CARNMT1: variants seen among roughly 807,000 people sequenced by gnomAD.
The protein encoded by CARNMT1 is carnosine N-methyltransferase 1.
CARNMT1 carries 28 observed loss-of-function variants against 49.6 expected under a neutral mutation model. That is an observed-to-expected ratio of 0.56 (90% confidence interval 0.42 to 0.77). The LOEUF is 0.77. Ranked by LOEUF, CARNMT1 falls within the 30% of genes least tolerant of loss-of-function variation. The probability of loss-of-function intolerance (pLI) is 0.00; values close to 1 mark genes in which losing one functional copy is unlikely to be tolerated. For missense variants in CARNMT1, 421 were observed against 512.6 expected (o/e 0.82, Z 1.73); for synonymous variants, 178 against 175.0 (o/e 1.02, Z -0.13).
chr9:74,996,978 A>G (rs542819784), intron 5 of CARNMT1, among the ~76,000 whole-genome samples: 1 of 152,344 alleles, frequency 6.6e-6, no homozygotes, highest in East Asian at 1.9e-4. Flanking sequence ...ACCAGTTGCC[A>G]ACTGAGAAAT....
intron 6 of CARNMT1, among the ~76,000 whole-genome samples, chr9:74,988,329 A>T (rs1174041810): frequency 6.6e-6 from 1 of 152,236 alleles, no homozygotes; most frequent in Non-Finnish European, 1.5e-5. Context: ...TTAAAAAATT[A>T]AAAAATCACC....
chr9:75,021,973 T>A (rs1822377224), intron 1 of CARNMT1, among the ~76,000 whole-genome samples: 1 of 151,872 alleles, frequency 6.6e-6, no homozygotes, highest in African/African-American at 2.4e-5. Flanking sequence ...TCATCTAGCA[T>A]CTTACTTTTT....
intron 3 of CARNMT1, 35 bp from the exon 4 acceptor site, chr9:74,999,905 C>CAAAAA: frequency 6.5e-7 from 1 of 1,550,122 alleles, no homozygotes; most frequent in Admixed American, 2.2e-5. Context: ...TCCAACCCCT[C>CAAAAA]AAAGAAAAAA....
intron 3 of CARNMT1, among the ~76,000 whole-genome samples, chr9:75,005,506 G>GCT (rs1833478078): frequency 1.4e-5 from 2 of 139,650 alleles, no homozygotes; most frequent in Admixed American, 7.7e-5. Flanking sequence ...ACGGAGTCTC[G>GCT]CTGTCACCCA....
rs752472108 is a variant in CARNMT1, at chr9:74,983,794, G to A, written c.1203C>T (p.Val401=). Residue 401 remains valine, a synonymous_variant, in exon 8 of 8, where the codon GTC becomes GTT. Coordinates refer to ENST00000376834, the MANE Select transcript of CARNMT1 (RefSeq NM_152420.3). ...ATTGTGGCTTACGGACCACAAACAAGACACATTCATAGTAGTATTTCATCA... is the reference window on the plus strand; with the variant it reads ...ATTGTGGCTTACGGACCACAAACAAAACACATTCATAGTAGTATTTCATCA... ...LSMMKYYYEC[V]LFVVRKPQ 2.6e-5 allele frequency: 41 copies of A among 1,607,320 alleles called. No homozygotes were observed. Among genetic ancestry groups the A allele is most frequent in the Non-Finnish European group, 3.4e-5 (40 of 1,176,264 alleles).
chr9:74,996,601 T>C (rs750439507), intron 5 of CARNMT1, 41 bp from the exon 6 acceptor site: 21 of 1,213,004 alleles, frequency 1.7e-5, no homozygotes, highest in Non-Finnish European at 2.5e-5. Flanking sequence ...GTTATGTTAT[T>C]TTGCTTTTTT....
intron 3 of CARNMT1, among the ~76,000 whole-genome samples, chr9:75,006,090 A>C (rs759096517): frequency 6.6e-6 from 1 of 150,824 alleles, no homozygotes; most frequent in Non-Finnish European, 1.5e-5. Flanking sequence ...CAGAGTCTCC[A>C]GCTCAGGCTG....
intron 3 of CARNMT1, among the ~76,000 whole-genome samples, chr9:75,004,133 C>T (rs754937965): frequency 2.6e-5 from 4 of 152,230 alleles, no homozygotes; most frequent in Non-Finnish European, 4.4e-5. Context: ...CTTCAGCCTC[C>T]CAAAGTGTTG....
chr9:75,024,759 A>G (rs554654750), intron 1 of CARNMT1, among the ~76,000 whole-genome samples: 9 of 152,316 alleles, frequency 5.9e-5, no homozygotes, highest in African/African-American at 2.2e-4. Context: ...TGAACCCTGC[A>G]AAATCTGGAC....
At chr9:75,019,419 T>C (rs1310234622) in intron 1 of CARNMT1, among the ~76,000 whole-genome samples, 1 of 152,152 alleles carries the variant, frequency 6.6e-6, no homozygotes, top group African/African-American at 2.4e-5. Context: ...CTAGGGGAAA[T>C]ATGCATCTGT....
At chr9:75,018,578 C>A (rs1014605120) in intron 1 of CARNMT1, among the ~76,000 whole-genome samples, 1 of 152,162 alleles carries the variant, frequency 6.6e-6, no homozygotes, top group African/African-American at 2.4e-5. Context: ...TACAACTTAG[C>A]ATGGTACTTG....
chr9:74,994,914 T>G (rs1033173584), intron 6 of CARNMT1, among the ~76,000 whole-genome samples: 1 of 152,178 alleles, frequency 6.6e-6, no homozygotes, highest in Non-Finnish European at 1.5e-5. Context: ...CTCCATTACT[T>G]CTGATGCCCA....
At chr9:75,012,397 C>T (rs987149052) in intron 3 of CARNMT1, among the ~76,000 whole-genome samples, 3 of 151,766 alleles carry the variant, frequency 2.0e-5, no homozygotes, top group African/African-American at 7.3e-5. Context: ...AACAATTCTC[C>T]TGCCTCAGAC....
At position 74,981,630 on chromosome 9, in the gene CARNMT1, A is replaced by C. The variant is rs41287427; in HGVS notation, c.*2137T>G. ...GAAGTAACTGATTTCAGAATTAACTAAAACATATGCTATAATTTAGAAATT... is the reference window on the plus strand; with the variant it reads ...GAAGTAACTGATTTCAGAATTAACTCAAACATATGCTATAATTTAGAAATT... On this transcript the variant is annotated 3_prime_UTR_variant, in exon 8 of 8. Transcript: ENST00000376834. 1 of 152,156 alleles carries C rather than the reference A, an allele frequency of 6.6e-6. No homozygotes were observed. The highest frequency in any genetic ancestry group is 1.5e-5 in the Non-Finnish European group (1 of 67,994). 9.4% of individuals were successfully genotyped at this position (152,156 alleles called of 1,614,324 possible). A position where few individuals can be genotyped will look rare whatever the true frequency, so the allele number is the denominator to read the frequency against.
chr9:74,995,938 T>C (rs1833175371), intron 6 of CARNMT1: 1 of 152,172 alleles, frequency 6.6e-6, no homozygotes, highest in Non-Finnish European at 1.5e-5. Context: ...GTAAGTAGAA[T>C]GCAGTAAAAA....
intron 3 of CARNMT1, among the ~76,000 whole-genome samples, chr9:75,006,096 G>A (rs1403395324): frequency 6.6e-6 from 1 of 151,578 alleles, no homozygotes; most frequent in African/African-American, 2.4e-5. Flanking sequence ...CTCCAGCTCA[G>A]GCTGGAGTGC....
intron 6 of CARNMT1, among the ~76,000 whole-genome samples, chr9:74,985,441 T>C (rs373341746): frequency 6.6e-6 from 1 of 152,322 alleles, no homozygotes; most frequent in East Asian, 1.9e-4. Context: ...ACAGGAGTTA[T>C]ATGGAAGGTT....
chr9:75,027,756 GGA>G (rs1238805922), intron 1 of CARNMT1, among the ~76,000 whole-genome samples: 1 of 152,254 alleles, frequency 6.6e-6, no homozygotes, highest in African/African-American at 2.4e-5. Context: ...GACGGAGGCA[GGA>G]GAGCTAATCT....
chr9:75,004,334 C>G (rs933553252), intron 3 of CARNMT1, among the ~76,000 whole-genome samples: 26 of 152,246 alleles, frequency 1.7e-4, no homozygotes, highest in Non-Finnish European at 3.4e-4. Flanking sequence ...GGCATCTTAA[C>G]GTGGTTTTTA....
Sources: allele counts gnomAD v4.1 joint callset (sites outside exome capture counted in the v4.1 genomes callset), GRCh38; gene constraint gnomAD v4.1.1; transcripts MANE v1.5; gene names NCBI Gene and HGNC (gene_info 2026-07-23, HGNC 2026-07-21).